Variants in NOP9 observed in about 807,000 individuals in gnomAD.
NOP9 encodes NOP9 nucleolar protein, also known as nucleolar protein 9.
NOP9 carries 50 observed loss-of-function variants against 63.0 expected under a neutral mutation model. The observed-to-expected ratio is 0.79, with a 90% CI of 0.63 to 1.00. The LOEUF (loss-of-function observed/expected upper bound fraction) is 1.00, where lower values mean the gene tolerates loss of function less well. NOP9 is among the 50% of genes least tolerant of loss of function. The pLI is 0.00. For missense variants in NOP9, 758 were observed against 803.0 expected, an observed-to-expected ratio of 0.94 and a Z score of 0.68; for synonymous variants, 343 against 332.8, an observed-to-expected ratio of 1.03 and a Z score of -0.33.
chr14:24,284,638 C>T, the NOP9 span, among the ~76,000 whole-genome samples: 1 of 152,076 alleles, frequency 6.6e-6, no homozygotes, highest in Non-Finnish European at 1.5e-5. Flanking sequence ...ATGGGTGGGG[C>T]TCTCCCTAGG....
In NOP9 at chr14:24,299,960, G is replaced by A. The variant is rs765565601; in HGVS notation, c.6G>A (p.Gly2=). Residue 2 remains glycine (G), a synonymous_variant, in exon 1 of 10, where the codon GGG becomes GGA. Transcript: ENST00000267425. M[G]QGPRSPHKVG... ...GGACAGGTCGCGAAGCACACATGGG[G>A]CAGGGTCCGCGCTCTCCACACAAGG... 1.0e-5 allele frequency: 16 copies of A among 1,555,698 alleles called. No homozygotes were observed. Among genetic ancestry groups the A allele is most frequent in the Admixed American group, 2.0e-5 (1 of 51,036 alleles).
chr14:24,300,179 T>C lies in NOP9; in HGVS notation c.225T>C (p.Ala75=). ...FRRALSALKE[A]PETGEERDLM... ...GGGCGCTGTCAGCATTGAAAGAGGC[T>C]CCCGAGACTGGGGAAGAACGAGGTA... Residue 75 remains alanine, a synonymous_variant, in exon 1 of 10, where the codon GCT becomes GCC. Coordinates refer to ENST00000267425, the MANE Select transcript of NOP9 (RefSeq NM_174913.3). 1 of 1,613,998 alleles carries C rather than the reference T, an allele frequency of 6.2e-7. No individual in the cohort carries two copies. Among genetic ancestry groups the C allele is most frequent in the Non-Finnish European group, 8.5e-7 (1 of 1,179,944 alleles).
At position 24,305,723 on chromosome 14, in the gene NOP9, G is replaced by T. The variant is rs182816158; in HGVS notation, c.*628G>T. The T allele has an allele frequency of 1.2e-6, 2 of 1,614,212 alleles. No individual in the cohort carries two copies. Among genetic ancestry groups the T allele is most frequent in the African/African-American group, 2.7e-5 (2 of 75,042 alleles). The stretch of plus-strand genomic sequence containing the variant: ...TGGAGGAAATTCCCAGCAACATATG[G>T]CCCAGGCCTTGCAGCAGTGTGGAGG... On this transcript the variant is annotated 3_prime_UTR_variant, in exon 10 of 10. Coordinates refer to ENST00000267425, the MANE Select transcript of NOP9 (RefSeq NM_174913.3).
chr14:24,291,626 C>T, the NOP9 span: 5 of 1,614,158 alleles, frequency 3.1e-6, no homozygotes, highest in Admixed American at 1.7e-5. Flanking sequence ...CTGATTTGAA[C>T]TGAAACACAG....
rs1164442881 is a variant in NOP9 at position 24,307,200 on chromosome 14, G to A, written c.*2105G>A. ...CTCCCATAGAAAAGCTCACTCGGTGGAAAATGAACAAATTGACCAGAGCTC... is the reference window on the plus strand; with the variant it reads ...CTCCCATAGAAAAGCTCACTCGGTGAAAAATGAACAAATTGACCAGAGCTC... On this transcript the variant is annotated 3_prime_UTR_variant, in exon 10 of 10. Coordinates refer to ENST00000267425, the MANE Select transcript of NOP9 (RefSeq NM_174913.3). 1.1e-5 allele frequency: 7 copies of A among 653,038 alleles called. No individual in the cohort carries two copies. Among genetic ancestry groups the A allele is most frequent in the Non-Finnish European group, 1.8e-5 (7 of 393,350 alleles). 40.5% of individuals were successfully genotyped at this position (653,038 alleles called of 1,614,324 possible).
At position 24,305,389 on chromosome 14, in the gene NOP9, C is replaced by G; in HGVS notation, c.*294C>G. ...TGCCTGGGGGACATCTTGATCTTGG[C>G]CTTTCAGGGCAAGTGGGAGGCCAGA... On this transcript the variant is annotated 3_prime_UTR_variant, in exon 10 of 10. Coordinates refer to ENST00000267425, the MANE Select transcript of NOP9 (RefSeq NM_174913.3). The G allele has an allele frequency of 1.7e-6, 1 of 578,370 alleles. No homozygotes were observed. Among genetic ancestry groups the G allele is most frequent in the Non-Finnish European group, 2.9e-6 (1 of 345,346 alleles). 35.8% of individuals were successfully genotyped at this position (578,370 alleles called of 1,614,324 possible).
At chr14:24,298,795 A>G (rs1382465062), upstream of NOP9, 1 of 968,904 alleles carries the variant, frequency 1.0e-6, no homozygotes. Context: ...ATTCTACCTT[A>G]CCTGAAGTTA....
In NOP9 at chr14:24,306,619, C is replaced by A; in HGVS notation, c.*1524C>A. ...CCATCAGTTGGCTCTAGACATTGGT[C>A]GATGTCCCACTTTGACTTTCCGGCA... On this transcript the variant is annotated 3_prime_UTR_variant, in exon 10 of 10. Transcript: ENST00000267425. The A allele has an allele frequency of 1.3e-6, 2 of 1,519,794 alleles. No individual in the cohort carries two copies. Among genetic ancestry groups the A allele is most frequent in the South Asian group, 2.3e-5 (2 of 85,950 alleles). The allele number at this position is 1,519,794 out of a possible 1,614,324, so 94.1% of individuals were successfully genotyped here.
At chr14:24,293,911 A>G in the NOP9 span, 1 of 152,274 alleles carries the variant, frequency 6.6e-6, no homozygotes, top group Non-Finnish European at 1.5e-5. Flanking sequence ...TGATAAGTCA[A>G]TGAAACAAAA....
At chr14:24,292,166 C>T in the NOP9 span, 8 of 1,613,914 alleles carry the variant, frequency 5.0e-6, no homozygotes, top group East Asian at 2.2e-5. Flanking sequence ...CTGCTTCCTT[C>T]GCCCTCCCCT....
the NOP9 span, among the ~76,000 whole-genome samples, chr14:24,275,866 A>G: frequency 2.6e-5 from 4 of 152,250 alleles, no homozygotes; most frequent in Non-Finnish European, 5.9e-5. Flanking sequence ...GGGATCCAGT[A>G]GTGGACCAGA....
chr14:24,294,065 A>G, the NOP9 span: 1 of 152,198 alleles, frequency 6.6e-6, no homozygotes, highest in Admixed American at 6.5e-5. Flanking sequence ...CTCGTTTATT[A>G]TTTTAAAATT....
At chr14:24,300,986 A>G (rs1281025727) in intron 2 of NOP9, 129 bp downstream of exon 2, 1 of 752,022 alleles carries the variant, frequency 1.3e-6, no homozygotes, top group Non-Finnish European at 2.1e-6. Context: ...GACCTGTCCT[A>G]ATCTGAACAG....
At chr14:24,292,066 G>T in the NOP9 span, 1 of 1,266,238 alleles carries the variant, frequency 7.9e-7, no homozygotes. Flanking sequence ...TGTGTCCCAT[G>T]CTCAGCCCTG....
Position 24,300,100 on chromosome 14 carries a change from C to T in NOP9, c.146C>T (p.Pro49Leu), listed in dbSNP as rs748666928. Residue 49 changes from proline to leucine, a missense_variant, in exon 1 of 10, where the codon CCG (proline) becomes CTG (leucine). Coordinates refer to ENST00000267425, the MANE Select transcript of NOP9 (RefSeq NM_174913.3). ...CCGCCTCCGGATGGGCGCTCGGAGC[C>T]GGCTCCAGATTCGCACCCGCACCTG... ...PWPPPDGRSEPAPDSHPHLSP... is the reference protein window; with the variant it reads ...PWPPPDGRSELAPDSHPHLSP... 6.2e-7 allele frequency: 1 copy of T among 1,613,402 alleles called. No homozygotes were observed. The highest frequency in any genetic ancestry group is 8.5e-7 in the Non-Finnish European group (1 of 1,179,868).
At chr14:24,292,720 C>G in the NOP9 span, 1 of 1,614,186 alleles carries the variant, frequency 6.2e-7, no homozygotes, top group Non-Finnish European at 8.5e-7. Flanking sequence ...GAGATGACCA[C>G]GATGAGCCCC....
chr14:24,296,850 A>G (rs1424749923), upstream of NOP9: 11 of 1,614,212 alleles, frequency 6.8e-6, no homozygotes, highest in Non-Finnish European at 9.3e-6. Context: ...ATCGCACACC[A>G]CAGGCACACA....
the NOP9 span, among the ~76,000 whole-genome samples, chr14:24,274,423 G>C: frequency 2.0e-5 from 3 of 152,268 alleles, no homozygotes; most frequent in East Asian, 3.9e-4. Context: ...ACGTGAAGGT[G>C]GGGGAGAGAA....
the NOP9 span, among the ~76,000 whole-genome samples, chr14:24,282,045 A>G: frequency 6.6e-6 from 1 of 152,198 alleles, no homozygotes; most frequent in South Asian, 2.1e-4. Context: ...TAAAAATACA[A>G]AAATTAGCCA....
Sources: allele counts gnomAD v4.1 joint callset (sites outside exome capture counted in the v4.1 genomes callset), GRCh38; gene constraint gnomAD v4.1.1; transcripts MANE v1.5; gene names NCBI Gene and HGNC (gene_info 2026-07-23, HGNC 2026-07-21).